ADAM9: variants seen among roughly 807,000 people sequenced by gnomAD.
ADAM9 encodes the protein disintegrin and metalloproteinase domain-containing protein 9.
ADAM9 carries 54 observed loss-of-function variants against 108.1 expected under a neutral mutation model. The ratio of observed to expected loss-of-function variants is 0.50; its 90% CI spans 0.40 to 0.63. The LOEUF (loss-of-function observed/expected upper bound fraction) is 0.63, where lower values mean the gene tolerates loss of function less well. Among genes scored for constraint, ADAM9 ranks in the 20% least tolerant of loss-of-function variants. The pLI is 0.00. For synonymous variants in ADAM9, 316 were observed against 336.0 expected, an observed-to-expected ratio of 0.94 and a Z score of 0.65; for missense variants, 830 against 997.7, an observed-to-expected ratio of 0.83 and a Z score of 2.26.
intron 11 of ADAM9, among the ~76,000 whole-genome samples, chr8:39,028,143 A>AT (rs778951293): frequency 1.3e-5 from 2 of 152,148 alleles, no homozygotes; most frequent in African/African-American, 2.4e-5. Context: ...CCAAGTGTTC[A>AT]TGCCACTTCC....
intron 18 of ADAM9, among the ~76,000 whole-genome samples, chr8:39,085,309 C>T (rs568377803): frequency 6.6e-6 from 1 of 152,106 alleles, no homozygotes; most frequent in Non-Finnish European, 1.5e-5. Flanking sequence ...TTTACTTCTA[C>T]TAATGTTATA....
intron 9 of ADAM9, among the ~76,000 whole-genome samples, chr8:39,024,112 A>G (rs1054720803): frequency 6.6e-6 from 1 of 152,038 alleles, no homozygotes; most frequent in African/African-American, 2.4e-5. Flanking sequence ...TTGTCCCAGC[A>G]TTACTATTGG....
At chr8:39,076,276 G>A (rs1406649841) in intron 15 of ADAM9, 1 of 152,216 alleles carries the variant, frequency 6.6e-6, no homozygotes, top group Non-Finnish European at 1.5e-5. Context: ...ACCTGGTGAA[G>A]TAAGTATTTA....
intron 7 of ADAM9, 71 bp from the exon 8 acceptor site, chr8:39,021,572 C>G: frequency 1.5e-6 from 2 of 1,375,804 alleles, no homozygotes; most frequent in Non-Finnish European, 1.0e-6. Context: ...GCATGAGGTA[C>G]TGCACCCGGC....
intron 2 of ADAM9, among the ~76,000 whole-genome samples, chr8:39,010,912 G>A (rs945075839): frequency 3.3e-5 from 5 of 152,134 alleles, no homozygotes; most frequent in Admixed American, 3.3e-4. Context: ...TACCAATGTG[G>A]TGAAACCCCG....
rs990954699 is a variant in ADAM9, at chr8:39,054,505, G to A, written c.1327G>A (p.Glu443Lys). Residue 443 changes from glutamate (E) to lysine (K), a missense_variant, in exon 13 of 22, where the codon GAA becomes AAA. By Grantham distance (56) the Glu-to-Lys change is moderately conservative. Around this residue, in one of 3 missense-constraint regions of ADAM9, gnomAD observed 381 missense variants for 539.8 expected, o/e 0.71. Transcript: ENST00000487273. ...GGAATGTGAATTGGACCCTTGCTGC[G>A]AAGGAAGTACCTGTAAGCTTAAATC... ...PKECELDPCC[E>K]GSTCKLKSFA... 20 of 1,610,006 alleles carry A rather than the reference G, an allele frequency of 1.2e-5. No individual in the cohort carries two copies. Among genetic ancestry groups the A allele is most frequent in the Middle Eastern group, 3.3e-4 (2 of 6,038 alleles).
chr8:39,045,568 G>GTATATATATATATATATATA (rs1354034713), intron 12 of ADAM9, among the ~76,000 whole-genome samples: 34 of 139,298 alleles, frequency 2.4e-4, no homozygotes, highest in African/African-American at 8.4e-4. Context: ...ATGTGTGTGT[G>GTATATATATATATATATATA]TGTATATATA....
chr8:39,037,074 T>C (rs1837301140), intron 11 of ADAM9, among the ~76,000 whole-genome samples: 1 of 76,742 alleles, frequency 1.3e-5, no homozygotes, highest in African/African-American at 4.3e-5. Context: ...TTTTTTTTTT[T>C]GAGACGGAGT....
intron 11 of ADAM9, among the ~76,000 whole-genome samples, chr8:39,030,217 C>T (rs1837055083): frequency 6.6e-6 from 1 of 152,064 alleles, no homozygotes; most frequent in African/African-American, 2.4e-5. Context: ...CAGAGTATTT[C>T]CATTGCCTTA....
At chr8:39,043,600 G>T (rs1186068765) in intron 12 of ADAM9, among the ~76,000 whole-genome samples, 1 of 152,018 alleles carries the variant, frequency 6.6e-6, no homozygotes, top group Non-Finnish European at 1.5e-5. Flanking sequence ...TTAAGTCTCA[G>T]GCCTGTTTTA....
At chr8:39,016,321 A>C in intron 5 of ADAM9, 127 bp downstream of exon 5, 1 of 794,186 alleles carries the variant, frequency 1.3e-6, no homozygotes, top group Non-Finnish European at 2.2e-6. Flanking sequence ...ATGTTACTGA[A>C]CATTTTTACA....
chr8:39,000,660 T>C (rs1313556543), intron 1 of ADAM9, among the ~76,000 whole-genome samples: 1 of 151,966 alleles, frequency 6.6e-6, no homozygotes, highest in Non-Finnish European at 1.5e-5. Flanking sequence ...GGAGAGGCAA[T>C]CTTGCTCTGT....
chr8:39,004,694 G>A (rs532913545), intron 1 of ADAM9, among the ~76,000 whole-genome samples: 40 of 152,264 alleles, frequency 2.6e-4, no homozygotes, highest in Admixed American at 2.1e-3. Context: ...CCAAACAAGG[G>A]GTGGATTATT....
chr8:39,017,994 T>G (rs953855602), intron 6 of ADAM9, among the ~76,000 whole-genome samples: 1 of 152,244 alleles, frequency 6.6e-6, no homozygotes, highest in Non-Finnish European at 1.5e-5. Context: ...ACTTAATGAC[T>G]TCAGATGTGT....
At chr8:39,032,008 C>A (rs7830975) in intron 11 of ADAM9, among the ~76,000 whole-genome samples, 1 of 151,998 alleles carries the variant, frequency 6.6e-6, no homozygotes, top group East Asian at 1.9e-4. Flanking sequence ...TATTGCAGAA[C>A]AGCAAATATT....
At chr8:39,080,337 T>C (rs1838981344) in intron 16 of ADAM9, among the ~76,000 whole-genome samples, 1 of 152,194 alleles carries the variant, frequency 6.6e-6, no homozygotes, top group Non-Finnish European at 1.5e-5. Flanking sequence ...TCCAGGTTGT[T>C]ATTAACATAT....
At chr8:39,093,638 G>A (rs1839417661) in intron 20 of ADAM9, among the ~76,000 whole-genome samples, 1 of 152,194 alleles carries the variant, frequency 6.6e-6, no homozygotes, top group African/African-American at 2.4e-5. Context: ...AGTAGAAGTG[G>A]TAGGAGTGGA....
chr8:39,058,970 G>T (rs1838211869), intron 14 of ADAM9, among the ~76,000 whole-genome samples: 1 of 152,164 alleles, frequency 6.6e-6, no homozygotes, highest in African/African-American at 2.4e-5. Flanking sequence ...GCACTGTAAG[G>T]TATTGCTACC....
intron 5 of ADAM9, 73 bp from the exon 6 acceptor site, chr8:39,017,146 T>A (rs997903872): frequency 6.6e-7 from 1 of 1,521,736 alleles, no homozygotes; most frequent in Non-Finnish European, 9.1e-7. Context: ...AATTAGGACT[T>A]GAACTTAGGT....
Sources: allele counts gnomAD v4.1 joint callset (sites outside exome capture counted in the v4.1 genomes callset), GRCh38; gene constraint gnomAD v4.1.1; regional missense constraint gnomAD v4.1.1; transcripts MANE v1.5; gene names NCBI Gene and HGNC (gene_info 2026-07-23, HGNC 2026-07-21).